The following UHRF1 variants were observed in gnomAD, a reference collection of about 807,000 sequenced individuals.
UHRF1 encodes E3 ubiquitin-protein ligase UHRF1.
UHRF1 carries 9 observed loss-of-function variants against 96.5 expected under a neutral mutation model. The ratio of observed to expected loss-of-function variants is 0.09; its 90% CI spans 0.06 to 0.16. The LOEUF (loss-of-function observed/expected upper bound fraction) is 0.16, where lower values mean the gene tolerates loss of function less well. Among genes scored for constraint, UHRF1 ranks in the 10% least tolerant of loss-of-function variants. UHRF1 has a pLI of 1.00. For synonymous variants in UHRF1, 455 were observed against 469.9 expected, an observed-to-expected ratio of 0.97 and a Z score of 0.41; for missense variants, 626 against 1,131.1, an observed-to-expected ratio of 0.55 and a Z score of 6.40.
intron 5 of UHRF1, among the ~76,000 whole-genome samples, chr19:4,940,467 A>T (rs2033359449): frequency 7.0e-6 from 1 of 143,692 alleles, no homozygotes; most frequent in African/African-American, 2.6e-5. Flanking sequence ...CCCAGGTTCA[A>T]GCGATTCTCC....
At position 4,930,975 on chromosome 19, in the gene UHRF1, G is replaced by C; in HGVS notation, c.569+99G>C. ...CCAGAGCTTGGCACTGTCTCGAGAT[G>C]GTGATCAGGATCTGGGGCCCCATCC... On this transcript the variant is annotated intron_variant, in intron 4 of 16. Transcript: ENST00000650932. The surrounding 1 kb of genome is among the most constrained non-coding windows in gnomAD (Gnocchi z 4.4). 1 of 1,519,540 alleles carries C rather than the reference G, an allele frequency of 6.6e-7. No homozygotes were observed. The highest frequency in any genetic ancestry group is 9.0e-7 in the Non-Finnish European group (1 of 1,116,774). The allele number at this position is 1,519,540 out of a possible 1,614,324, so 94.1% of individuals were successfully genotyped here. A position where few individuals can be genotyped will look rare whatever the true frequency, so the allele number is the denominator to read the frequency against.
Position 4,918,246 on chromosome 19 carries a change from A to G in UHRF1, c.153+7208A>G, listed in dbSNP as rs76613068. Among the ~76,000 whole-genome samples the G allele has an allele frequency of 8.9e-3, 1,348 of 151,946 alleles. 68 individuals are homozygous for G. The East Asian group carries it at 0.14, about 16-fold the overall frequency. On this transcript the variant is annotated intron_variant, in intron 2 of 16. Coordinates refer to ENST00000650932, the MANE Select transcript of UHRF1 (RefSeq NM_001048201.3). ...GTGATTCTCCTGCCTCAGCCTCCCA[A>G]GTAGCTGGGGTTACAGGTGCACACC...
intron 5 of UHRF1, among the ~76,000 whole-genome samples, chr19:4,935,109 G>A (rs2033177455): frequency 6.6e-6 from 1 of 152,046 alleles, no homozygotes; most frequent in African/African-American, 2.4e-5. Flanking sequence ...GAGTAGCTGG[G>A]ACTATAGGTG....
At chr19:4,928,426 C>T (rs1488664678) in intron 2 of UHRF1, among the ~76,000 whole-genome samples, 5 of 152,064 alleles carry the variant, frequency 3.3e-5, no homozygotes, top group Admixed American at 6.6e-5. Flanking sequence ...CTCGGCTTCT[C>T]CAGCCCCCAG....
chr19:4,921,663 G>A (rs1046355436), intron 2 of UHRF1, among the ~76,000 whole-genome samples: 1 of 149,956 alleles, frequency 6.7e-6, no homozygotes, highest in East Asian at 2.0e-4. Flanking sequence ...GGGCCGAGGC[G>A]GGAGGGTTGC....
intron 2 of UHRF1, among the ~76,000 whole-genome samples, chr19:4,921,339 T>A (rs1183381258): frequency 6.6e-6 from 1 of 152,016 alleles, no homozygotes; most frequent in Non-Finnish European, 1.5e-5. Context: ...CTCGGGAGGC[T>A]GAGGCAGGAG....
At chr19:4,917,949 T>G (rs1459770332) in intron 2 of UHRF1, among the ~76,000 whole-genome samples, 1 of 151,956 alleles carries the variant, frequency 6.6e-6, no homozygotes, top group South Asian at 2.1e-4. Flanking sequence ...GCATGAGCTA[T>G]TGGGCCTGGC....
At chr19:4,929,762 C>G (rs1310403478) in intron 3 of UHRF1, among the ~76,000 whole-genome samples, 1 of 152,126 alleles carries the variant, frequency 6.6e-6, no homozygotes, top group African/African-American at 2.4e-5. Flanking sequence ...CATGTAAGAT[C>G]AGGAAATGTC....
intron 2 of UHRF1, among the ~76,000 whole-genome samples, chr19:4,929,004 C>T (rs904392493): frequency 3.3e-5 from 5 of 152,204 alleles, no homozygotes; most frequent in South Asian, 2.1e-4. Context: ...CAAAAGCCCT[C>T]GCTAGAGGGG....
At chr19:4,913,257 T>C (rs2032354943) in intron 2 of UHRF1, among the ~76,000 whole-genome samples, 1 of 148,086 alleles carries the variant, frequency 6.8e-6, no homozygotes. Context: ...TTGTGCTTTT[T>C]TTTTTTTTTT....
Position 4,934,372 on chromosome 19 carries a change from C to T in UHRF1, c.785+1416C>T, listed in dbSNP as rs139641190. Among the ~76,000 whole-genome samples the T allele has an allele frequency of 6.1e-3, 933 of 152,278 alleles. 14 individuals carry two copies. Among genetic ancestry groups the T allele is most frequent in the African/African-American group, 0.021 (893 of 41,558 alleles). On this transcript the variant is annotated intron_variant, in intron 5 of 16. Coordinates refer to ENST00000650932, the MANE Select transcript of UHRF1 (RefSeq NM_001048201.3). ...TGGAACCATGTTTAAGCGCACAGTT[C>T]GGTGGCATTAAACGCATTTACGTTG...
At chr19:4,959,255 G>A (rs1365375816) in intron 16 of UHRF1, among the ~76,000 whole-genome samples, 3 of 152,086 alleles carry the variant, frequency 2.0e-5, no homozygotes, top group East Asian at 2.0e-4. Context: ...CCTTGAACCC[G>A]GGAGGTGGAG....
rs138930679 is a variant in UHRF1, at chr19:4,936,008, C to G, written c.785+3052C>G. Among the ~76,000 whole-genome samples the G allele has an allele frequency of 7.2e-5, 11 of 152,312 alleles. 1 individual carries two copies. In the South Asian group the frequency reaches 2.3e-3, roughly 32 times the overall value. On this transcript the variant is annotated intron_variant, in intron 5 of 16. Coordinates refer to ENST00000650932, the MANE Select transcript of UHRF1 (RefSeq NM_001048201.3). The stretch of plus-strand genomic sequence containing the variant: ...TGACTGTCACAAGGCAGGGGTGTCA[C>G]CAGGCAGGGAAACGAAGATACCTGG...
intron 2 of UHRF1, among the ~76,000 whole-genome samples, chr19:4,926,607 TA>T (rs377312781): frequency 6.6e-5 from 10 of 151,808 alleles, no homozygotes; most frequent in African/African-American, 2.4e-4. Context: ...ACCTCATCTC[TA>T]AAAAAAATTA....
chr19:4,919,452 G>A (rs1236342022), intron 2 of UHRF1, among the ~76,000 whole-genome samples: 2 of 150,860 alleles, frequency 1.3e-5, no homozygotes, highest in Non-Finnish European at 3.0e-5. Context: ...ACAGGTGCCC[G>A]CCACCTCGCC....
Position 4,947,487 on chromosome 19 carries a change from TATC to T in UHRF1, c.1517+277_1517+279del, listed in dbSNP as rs2033600563. On this transcript the variant is annotated intron_variant, in intron 11 of 16. Coordinates refer to ENST00000650932, the MANE Select transcript of UHRF1 (RefSeq NM_001048201.3). ...TCCCTATAAAAGGCCAGATAATAGA[TATC>T]TTTTTTTTTTTTTTTTTTTTTTTTT... Among the ~76,000 whole-genome samples, 7 of 132,196 alleles carry T rather than the reference TATC, an allele frequency of 5.3e-5. No individual in the cohort carries two copies. In the South Asian group the frequency reaches 1.9e-3, roughly 36 times the overall value. The allele number at this position is 132,196 out of a possible 152,430, so 86.7% of individuals were successfully genotyped here.
chr19:4,941,622 A>T lies in UHRF1; in HGVS notation c.880A>T (p.Met294Leu). 1.2e-6 allele frequency: 2 copies of T among 1,613,176 alleles called. No homozygotes were observed. The highest frequency in any genetic ancestry group is 2.2e-5 in the South Asian group (2 of 90,906). The part of the protein sequence containing the change: ...GEGSPMVDNP[M>L]RRKSGPSCKH... The stretch of plus-strand genomic sequence containing the variant: ...AGGGAGCCCCATGGTTGACAACCCC[A>T]TGAGACGTGAGTTCTGAGCCAGCCT... The change falls in exon 6 of 17, where the codon ATG (methionine) becomes TTG (leucine). Residue 294 changes from methionine to leucine, a missense_variant. Physicochemically the swap from Met to Leu is conservative, Grantham distance 15. Around this residue, in one of 11 missense-constraint regions of UHRF1, gnomAD observed 198 missense variants for 235.1 expected, o/e 0.84. Transcript: ENST00000650932.
intron 5 of UHRF1, among the ~76,000 whole-genome samples, chr19:4,938,453 T>A (rs987372990): frequency 6.6e-6 from 1 of 151,786 alleles, no homozygotes; most frequent in Non-Finnish European, 1.5e-5. Context: ...TCTTTACCAA[T>A]TTTATTTTTG....
At chr19:4,936,994 C>T (rs1202328411) in intron 5 of UHRF1, among the ~76,000 whole-genome samples, 1 of 152,032 alleles carries the variant, frequency 6.6e-6, no homozygotes, top group Non-Finnish European at 1.5e-5. Flanking sequence ...GCCAAACCCA[C>T]CTCCCCATCC....
Sources: allele counts gnomAD v4.1 joint callset (sites outside exome capture counted in the v4.1 genomes callset), GRCh38; gene constraint gnomAD v4.1.1; regional missense constraint gnomAD v4.1.1; non-coding constraint Gnocchi (gnomAD v3.1); transcripts MANE v1.5; gene names NCBI Gene and HGNC (gene_info 2026-07-23, HGNC 2026-07-21).